Variants in TIE1 observed in about 807,000 individuals in gnomAD.
TIE1 encodes the protein tyrosine kinase with immunoglobulin like and EGF like domains 1.
In TIE1, 89 loss-of-function variants were observed where a neutral mutation model predicts 130.5. The ratio of observed to expected loss-of-function variants is 0.68; its 90% confidence interval spans 0.57 to 0.81. The LOEUF is 0.81. Among genes scored for constraint, TIE1 ranks in the 40% least tolerant of loss-of-function variants. The probability of loss-of-function intolerance (pLI) is 0.00; values close to 1 mark genes in which losing one functional copy is unlikely to be tolerated. For missense variants in TIE1, 1,392 were observed against 1,559.8 expected, an observed-to-expected ratio of 0.89 and a Z score of 1.81; for synonymous variants, 568 against 629.4, an observed-to-expected ratio of 0.90 and a Z score of 1.46.
At position 43,307,072 on chromosome 1, in the gene TIE1, G is replaced by A; in HGVS notation, c.641-70G>A. The A allele has an allele frequency of 6.2e-7, 1 of 1,612,908 alleles. No homozygotes were observed. The highest frequency in any genetic ancestry group is 8.5e-7 in the Non-Finnish European group (1 of 1,179,450). ...ATGGGTACTTCCTGTGGGTCCCCTG[G>A]AGCCCCTGGATCTCCAGTCCTCAGT... On this transcript the variant is annotated intron_variant, in intron 4 of 22. Transcript: ENST00000372476. The surrounding 1 kb of genome is among the most constrained non-coding windows in gnomAD (Gnocchi z 5.4).
chr1:43,318,730 C>T lies in TIE1; in HGVS notation c.2923-505C>T, dbSNP rs909876508. Among the ~76,000 whole-genome samples, 3 of 152,162 alleles carry T rather than the reference C, an allele frequency of 2.0e-5. No individual in the cohort carries two copies. The highest frequency in any genetic ancestry group is 2.9e-5 in the Non-Finnish European group (2 of 68,034). On this transcript the variant is annotated intron_variant, in intron 17 of 22. Coordinates refer to ENST00000372476, the MANE Select transcript of TIE1 (RefSeq NM_005424.5). This position sits in a 1 kb window ranked among gnomAD's most constrained non-coding sequence, Gnocchi z 4.4. The stretch of plus-strand genomic sequence containing the variant: ...TGCTGGCCAGGCTGGTCTCGAACTC[C>T]TGTCCTCGAGTGATCCACCCGCCTC...
chr1:43,322,774 C>T lies in TIE1; in HGVS notation c.*52C>T, dbSNP rs995370238. 18 of 1,567,466 alleles carry T rather than the reference C, an allele frequency of 1.1e-5. No individual in the cohort carries two copies. Among genetic ancestry groups the T allele is most frequent in the Non-Finnish European group, 1.6e-5 (18 of 1,142,916 alleles). ...TGCTGGCCGGAGCAAACTCTGCTGTCTAACCTGTGACCAGTCTGACCCTTA... is the reference window on the plus strand; with the variant it reads ...TGCTGGCCGGAGCAAACTCTGCTGTTTAACCTGTGACCAGTCTGACCCTTA... On this transcript the variant is annotated 3_prime_UTR_variant, in exon 23 of 23. Coordinates refer to ENST00000372476, the MANE Select transcript of TIE1 (RefSeq NM_005424.5). The surrounding 1 kb of genome is among the most constrained non-coding windows in gnomAD (Gnocchi z 4.0).
At chr1:43,308,768 C>T (rs1402027830) in intron 7 of TIE1, 7 of 666,002 alleles carry the variant, frequency 1.1e-5, no homozygotes, top group Admixed American at 2.1e-5. Flanking sequence ...AGGTATTAGA[C>T]GGTATCGGGA....
At position 43,318,173 on chromosome 1, in the gene TIE1, T is replaced by G; in HGVS notation, c.2922+101T>G. 1.4e-6 allele frequency: 2 copies of G among 1,398,484 alleles called. No individual in the cohort carries two copies. Among genetic ancestry groups the G allele is most frequent in the African/African-American group, 1.5e-5 (1 of 68,940 alleles). 86.6% of individuals were successfully genotyped at this position (1,398,484 alleles called of 1,614,324 possible). A position where few individuals can be genotyped will look rare whatever the true frequency, so the allele number is the denominator to read the frequency against. On this transcript the variant is annotated intron_variant, in intron 17 of 22. Coordinates refer to ENST00000372476, the MANE Select transcript of TIE1 (RefSeq NM_005424.5). This position sits in a 1 kb window ranked among gnomAD's most constrained non-coding sequence, Gnocchi z 4.4. The stretch of plus-strand genomic sequence containing the variant: ...CCCTGATTGTATCTGGGGATTGAGG[T>G]TCCTGGCCCAAGTGTGTGGGTGGGT...
chr1:43,313,476 C>T lies in TIE1; in HGVS notation c.2218+51C>T. The T allele has an allele frequency of 1.9e-6, 3 of 1,595,074 alleles. No homozygotes were observed. Among genetic ancestry groups the T allele is most frequent in the Non-Finnish European group, 2.6e-6 (3 of 1,167,472 alleles). On this transcript the variant is annotated intron_variant, in intron 13 of 22. Transcript: ENST00000372476. This position sits in a 1 kb window ranked among gnomAD's most constrained non-coding sequence, Gnocchi z 6.2. ...CCCCGGGCTCTGAGCGGGGAGAGCT[C>T]AGCACGCTCTCCTTCCACATCACCC...
rs756986397 is a variant in TIE1 at position 43,321,485 on chromosome 1, G to A, written c.3238G>A (p.Asp1080Asn). Residue 1080 changes from aspartate to asparagine, a missense_variant, in exon 21 of 23, where the codon GAT (aspartate) becomes AAT (asparagine). By Grantham distance (23) the Asp-to-Asn change is conservative. Coordinates refer to ENST00000372476, the MANE Select transcript of TIE1 (RefSeq NM_005424.5). ...YRMEQPRNCD[D>N]EVYELMRQCW... is the part of the protein sequence containing the mutation. ...CATGGAGCAGCCTCGAAACTGTGAC[G>A]ATGAAGTGTGAGTCACCCCATCCTT... is the stretch of plus-strand genomic sequence containing the variant. 35 of 1,612,088 alleles carry A rather than the reference G, an allele frequency of 2.2e-5. No homozygotes were observed. The highest frequency in any genetic ancestry group is 4.5e-5 in the East Asian group (2 of 44,808).
At chr1:43,308,266 C>T (rs1646750922) in intron 7 of TIE1, among the ~76,000 whole-genome samples, 1 of 152,140 alleles carries the variant, frequency 6.6e-6, no homozygotes, top group South Asian at 2.1e-4. Context: ...ATATGAAGGA[C>T]AAAAGAGAGA....
chr1:43,317,433 C>T lies in TIE1; in HGVS notation c.2620+24C>T, dbSNP rs1252480119. 4 of 1,613,764 alleles carry T rather than the reference C, an allele frequency of 2.5e-6. No individual in the cohort carries two copies. In the South Asian group the frequency reaches 4.4e-5, roughly 18 times the overall value. Reference sequence around the variant, plus strand: ...AGGTCCACTGGGGCGACCCCTGGCCCAGCCCTGATGCTCTCCTTTGTCCCA... The same window carrying T: ...AGGTCCACTGGGGCGACCCCTGGCCTAGCCCTGATGCTCTCCTTTGTCCCA... On this transcript the variant is annotated intron_variant, in intron 15 of 22. Transcript: ENST00000372476. This position sits in a 1 kb window ranked among gnomAD's most constrained non-coding sequence, Gnocchi z 5.1.
In TIE1 at chr1:43,313,349, C is replaced by T. The variant is rs1646820876; in HGVS notation, c.2142C>T (p.Tyr714=). Residue 714 remains tyrosine (Y), a synonymous_variant, in exon 13 of 23, where the codon TAC becomes TAT. Transcript: ENST00000372476. This position sits in a 1 kb window ranked among gnomAD's most constrained non-coding sequence, Gnocchi z 6.2. Reference sequence around the variant, plus strand: ...GTGGCCTCAACGCCAGCACGCGCTACCTCTTCCGCATGCGGGCCAGCATTC... The same window carrying T: ...GTGGCCTCAACGCCAGCACGCGCTATCTCTTCCGCATGCGGGCCAGCATTC... ...IIRGLNASTR[Y]LFRMRASIQG... is the part of the protein sequence containing the mutation. 1.2e-6 allele frequency: 2 copies of T among 1,614,040 alleles called. No individual in the cohort carries two copies. The highest frequency in any genetic ancestry group is 8.5e-7 in the Non-Finnish European group (1 of 1,179,960).
chr1:43,301,386 C>A (rs771351430), intron 1 of TIE1, among the ~76,000 whole-genome samples: 1 of 151,512 alleles, frequency 6.6e-6, no homozygotes, highest in Non-Finnish European at 1.5e-5. Context: ...CTTTGGATGG[C>A]TGAGATGGGA....
In TIE1 at chr1:43,307,073, A is replaced by T. The variant is rs746675763; in HGVS notation, c.641-69A>T. On this transcript the variant is annotated intron_variant, in intron 4 of 22. Coordinates refer to ENST00000372476, the MANE Select transcript of TIE1 (RefSeq NM_005424.5). This position sits in a 1 kb window ranked among gnomAD's most constrained non-coding sequence, Gnocchi z 5.4. The stretch of plus-strand genomic sequence containing the variant: ...TGGGTACTTCCTGTGGGTCCCCTGG[A>T]GCCCCTGGATCTCCAGTCCTCAGTG... The T allele has an allele frequency of 6.2e-7, 1 of 1,612,654 alleles. No homozygotes were observed. Among genetic ancestry groups the T allele is most frequent in the East Asian group, 2.2e-5 (1 of 44,874 alleles).
At chr1:43,301,793 T>G (rs1358676446) in intron 1 of TIE1, among the ~76,000 whole-genome samples, 2 of 152,184 alleles carry the variant, frequency 1.3e-5, no homozygotes, top group Non-Finnish European at 2.9e-5. Context: ...CGCTTGAATC[T>G]GGGAGGCAGA....
rs770395270 is a variant in TIE1, at chr1:43,309,087, C to T, written c.1144C>T (p.Arg382Trp). Residue 382 changes from arginine to tryptophan, a missense_variant, in exon 8 of 23, where the codon CGG becomes TGG. Arg to Trp is a moderately radical substitution (Grantham distance 101). Coordinates refer to ENST00000372476, the MANE Select transcript of TIE1 (RefSeq NM_005424.5). This position sits in a 1 kb window ranked among gnomAD's most constrained non-coding sequence, Gnocchi z 6.3. ...CAAAGNPFPV[R>W]GSIELRKPDG... ...AGCTGCAGGGAACCCCTTCCCCGTG[C>T]GGGGCAGCATAGAGCTACGCAAGCC... The T allele has an allele frequency of 1.3e-5, 21 of 1,613,544 alleles. No homozygotes were observed. Among genetic ancestry groups the T allele is most frequent in the East Asian group, 2.2e-5 (1 of 44,874 alleles).
At position 43,312,338 on chromosome 1, in the gene TIE1, A is replaced by G. The variant is rs1348444481; in HGVS notation, c.1664A>G (p.His555Arg). 1 of 1,561,742 alleles carries G rather than the reference A, an allele frequency of 6.4e-7. No homozygotes were observed. The highest frequency in any genetic ancestry group is 2.3e-5 in the East Asian group (1 of 44,370). The change falls in exon 12 of 23, where the codon CAT becomes CGT. Residue 555 changes from histidine (H) to arginine (R), a missense_variant. This residue lies in a region of TIE1 where 551 missense variants were observed against 565.5 expected (regional missense o/e 0.97). Transcript: ENST00000372476. This position sits in a 1 kb window ranked among gnomAD's most constrained non-coding sequence, Gnocchi z 5.6. ...PLLQPWLEGW[H>R]VEGTDRLRVS... ...TTGCAGCCGTGGTTGGAGGGCTGGC[A>G]TGTGGAAGGCACTGACCGGCTGCGA...
Position 43,321,431 on chromosome 1 carries a change from C to T in TIE1, c.3184C>T (p.Leu1062Phe). 1.2e-6 allele frequency: 2 copies of T among 1,614,072 alleles called. No individual in the cohort carries two copies. Among genetic ancestry groups the T allele is most frequent in the South Asian group, 1.1e-5 (1 of 91,082 alleles). ...CTACTGTGGCATGACCTGTGCCGAG[C>T]TCTATGAAAAGCTGCCCCAGGGCTA... ...TPYCGMTCAE[L>F]YEKLPQGYRM... The change falls in exon 21 of 23, where the codon CTC becomes TTC. Residue 1062 changes from leucine (L) to phenylalanine (F), a missense_variant. Around this residue, in one of 6 missense-constraint regions of TIE1, gnomAD observed 104 missense variants for 129.3 expected, o/e 0.80. Coordinates refer to ENST00000372476, the MANE Select transcript of TIE1 (RefSeq NM_005424.5).
In TIE1 at chr1:43,319,575, T is replaced by C; in HGVS notation, c.3107+46T>C. The C allele has an allele frequency of 1.9e-6, 3 of 1,586,812 alleles. No individual in the cohort carries two copies. The highest frequency in any genetic ancestry group is 2.6e-6 in the Non-Finnish European group (3 of 1,155,338). ...CACAGGAGGGCTTGGCCCCCAAGAA[T>C]CACCCAGGCCTGACCTAGACATATC... On this transcript the variant is annotated intron_variant, in intron 19 of 22. Coordinates refer to ENST00000372476, the MANE Select transcript of TIE1 (RefSeq NM_005424.5). This position sits in a 1 kb window ranked among gnomAD's most constrained non-coding sequence, Gnocchi z 4.7.
chr1:43,311,166 G>A (rs775039417), intron 9 of TIE1, among the ~76,000 whole-genome samples: 6 of 152,284 alleles, frequency 3.9e-5, no homozygotes, highest in Middle Eastern at 3.4e-3. Flanking sequence ...CAAGTTATTC[G>A]GTGTCTCTGA....
At position 43,304,886 on chromosome 1, in the gene TIE1, C is replaced by CG. The variant is rs1646708258; in HGVS notation, c.96dup (p.Leu33AlafsTer108). 7.0e-7 allele frequency: 1 copy of CG among 1,425,812 alleles called. No homozygotes were observed. The highest frequency in any genetic ancestry group is 9.1e-7 in the Non-Finnish European group (1 of 1,095,704). 88.3% of individuals were successfully genotyped at this position (1,425,812 alleles called of 1,614,324 possible). On this transcript the variant is annotated frameshift_variant, in exon 2 of 23. Transcript: ENST00000372476. LOFTEE classifies it high-confidence loss of function. ...GGACCTGACGCTGCTGGCCAACCTG[C>CG]GGCTCACGGACCCCCAGCGCTTCTT...
chr1:43,321,052 AAACAAAAC>A (rs1646913734), intron 19 of TIE1, among the ~76,000 whole-genome samples: 1 of 106,976 alleles, frequency 9.3e-6, no homozygotes, highest in African/African-American at 3.2e-5. Flanking sequence ...AAAAAAAAAA[AAACAAAAC>A]AAAAGAGCTC....
Sources: allele counts gnomAD v4.1 joint callset (sites outside exome capture counted in the v4.1 genomes callset), GRCh38; gene constraint gnomAD v4.1.1; regional missense constraint gnomAD v4.1.1; non-coding constraint Gnocchi (gnomAD v3.1); transcripts MANE v1.5; gene names NCBI Gene and HGNC (gene_info 2026-07-23, HGNC 2026-07-21).